The following ANTXR1 variants were observed in gnomAD, a reference collection of about 807,000 sequenced individuals.
ANTXR1 encodes ANTXR cell adhesion molecule 1.
In ANTXR1, 19 loss-of-function variants were observed where a neutral mutation model predicts 78.1. The ratio of observed to expected loss-of-function variants is 0.24; its 90% CI spans 0.17 to 0.36. The LOEUF (loss-of-function observed/expected upper bound fraction) is 0.36. Ranked by LOEUF, ANTXR1 falls within the 10% of genes least tolerant of loss-of-function variation. ANTXR1 has a pLI of 1.00. For missense variants in ANTXR1, 518 were observed against 718.6 expected, an observed-to-expected ratio of 0.72 and a Z score of 3.19; for synonymous variants, 273 against 260.5, an observed-to-expected ratio of 1.05 and a Z score of -0.46.
chr2:69,104,366 A>T (rs1671736906), intron 10 of ANTXR1, among the ~76,000 whole-genome samples: 1 of 152,208 alleles, frequency 6.6e-6, no homozygotes, highest in African/African-American at 2.4e-5. Flanking sequence ...TGTCTTCCTC[A>T]CAAACATCTG....
chr2:69,125,540 G>C (rs925349969), intron 12 of ANTXR1, among the ~76,000 whole-genome samples: 2 of 152,180 alleles, frequency 1.3e-5, no homozygotes, highest in Non-Finnish European at 1.5e-5. Flanking sequence ...TAGTTAGCTT[G>C]TGTCAAGACC....
At chr2:69,187,372 C>A (rs544911308) in intron 16 of ANTXR1, among the ~76,000 whole-genome samples, 2 of 151,586 alleles carry the variant, frequency 1.3e-5, no homozygotes, top group South Asian at 4.2e-4. Context: ...CCATTTCAGA[C>A]AAGTGAAGTC....
chr2:69,221,375 T>C (rs1675315242), intron 17 of ANTXR1, among the ~76,000 whole-genome samples: 1 of 152,214 alleles, frequency 6.6e-6, no homozygotes, highest in African/African-American at 2.4e-5. Flanking sequence ...TTTATTTCTT[T>C]TCAGTTCTCC....
At chr2:69,031,551 G>A (rs1053370953) in intron 1 of ANTXR1, among the ~76,000 whole-genome samples, 7 of 152,152 alleles carry the variant, frequency 4.6e-5, no homozygotes, top group Non-Finnish European at 8.8e-5. Context: ...GGCTCCTAGA[G>A]AGCCAAACAT....
chr2:69,016,739 T>C (rs897522585), intron 1 of ANTXR1, among the ~76,000 whole-genome samples: 1 of 152,252 alleles, frequency 6.6e-6, no homozygotes, highest in African/African-American at 2.4e-5. Context: ...TTTTAAATTT[T>C]GTTTACATGT....
At chr2:69,054,972 G>C (rs1670028109) in intron 3 of ANTXR1, among the ~76,000 whole-genome samples, 1 of 152,134 alleles carries the variant, frequency 6.6e-6, no homozygotes. Context: ...CCATAGGCAA[G>C]TGTCTTGCCT....
At chr2:69,129,976 A>G (rs1040918849) in intron 12 of ANTXR1, among the ~76,000 whole-genome samples, 2 of 152,182 alleles carry the variant, frequency 1.3e-5, no homozygotes, top group African/African-American at 2.4e-5. Context: ...AGGGATGGAT[A>G]TATCTCTGAG....
chr2:69,092,501 T>C (rs1415173414), intron 9 of ANTXR1, among the ~76,000 whole-genome samples: 1 of 152,244 alleles, frequency 6.6e-6, no homozygotes, highest in Non-Finnish European at 1.5e-5. Context: ...ATAAAGTTGT[T>C]AGCAAAATAC....
intron 14 of ANTXR1, among the ~76,000 whole-genome samples, chr2:69,175,338 G>T (rs929208039): frequency 1.3e-5 from 2 of 152,130 alleles, no homozygotes; most frequent in Non-Finnish European, 2.9e-5. Flanking sequence ...AGCTTGGTAT[G>T]GTGACTCACT....
At chr2:69,169,572 T>TTGCC (rs1208634213) in intron 13 of ANTXR1, among the ~76,000 whole-genome samples, 1 of 152,256 alleles carries the variant, frequency 6.6e-6, no homozygotes, top group Non-Finnish European at 1.5e-5. Context: ...TCCCAATTAC[T>TTGCC]TGCCCATCCA....
chr2:69,077,456 G>T lies in ANTXR1; in HGVS notation c.610G>T (p.Gly204Cys). The T allele has an allele frequency of 6.2e-7, 1 of 1,614,118 alleles. No homozygotes were observed. Among genetic ancestry groups the T allele is most frequent in the Non-Finnish European group, 8.5e-7 (1 of 1,180,004 alleles). ...GGATCATGTGTTTCCCGTGAATGAC[G>T]GCTTTCAGGCTCTGCAAGGCATCAT... is the stretch of plus-strand genomic sequence containing the variant. ...SKDHVFPVND[G>C]FQALQGIIHS... Residue 204 changes from glycine (G) to cysteine (C), a missense_variant, in exon 8 of 18, where the codon GGC (glycine) becomes TGC (cysteine). Coordinates refer to ENST00000303714, the MANE Select transcript of ANTXR1 (RefSeq NM_032208.3).
intron 13 of ANTXR1, among the ~76,000 whole-genome samples, chr2:69,153,119 G>A (rs1252089772): frequency 6.6e-6 from 1 of 152,152 alleles, no homozygotes; most frequent in Non-Finnish European, 1.5e-5. Flanking sequence ...ATGTGAAGTG[G>A]CCACTGCTCC....
chr2:69,146,312 C>A, intron 12 of ANTXR1: 2 of 985,430 alleles, frequency 2.0e-6, no homozygotes, highest in Non-Finnish European at 2.4e-6. Flanking sequence ...ACTCCCCCCA[C>A]CACTTGCTGT....
rs1318600482 is a variant in ANTXR1 at position 69,157,090 on chromosome 2, G to A, written c.1047+4826G>A. Reference sequence around the variant, plus strand: ...ATTGCCATTATTTCTCCAATCCTTCGCTTGCAAAACTGAATTTCCCAGCCA... The same window carrying A: ...ATTGCCATTATTTCTCCAATCCTTCACTTGCAAAACTGAATTTCCCAGCCA... On this transcript the variant is annotated intron_variant, in intron 13 of 17. Coordinates refer to ENST00000303714, the MANE Select transcript of ANTXR1 (RefSeq NM_032208.3). Among the ~76,000 whole-genome samples the A allele has an allele frequency of 4.6e-5, 7 of 151,918 alleles. No homozygotes were observed. The South Asian group carries it at 1.0e-3, about 23-fold the overall frequency.
chr2:69,083,419 T>A (rs1670954905), intron 8 of ANTXR1, among the ~76,000 whole-genome samples: 1 of 152,124 alleles, frequency 6.6e-6, no homozygotes, highest in Non-Finnish European at 1.5e-5. Context: ...AAGGCACCCT[T>A]CAGTCTTCCC....
chr2:69,103,104 C>T, intron 10 of ANTXR1, 164 bp downstream of exon 10: 1 of 778,016 alleles, frequency 1.3e-6, no homozygotes, highest in East Asian at 2.7e-5. Flanking sequence ...ACAGTGGTTC[C>T]AGTCAGAAAA....
At chr2:69,122,512 C>T (rs1325810969) in intron 10 of ANTXR1, among the ~76,000 whole-genome samples, 1 of 152,156 alleles carries the variant, frequency 6.6e-6, no homozygotes, top group African/African-American at 2.4e-5. Context: ...CTGCACATAC[C>T]ACAGGAAGCT....
At chr2:69,071,330 T>C (rs1356114017) in intron 4 of ANTXR1, among the ~76,000 whole-genome samples, 1 of 152,240 alleles carries the variant, frequency 6.6e-6, no homozygotes, top group African/African-American at 2.4e-5. Flanking sequence ...AGCCTATTGC[T>C]CCTAGGCTAT....
intron 8 of ANTXR1, among the ~76,000 whole-genome samples, chr2:69,079,009 T>C (rs1670820958): frequency 6.6e-6 from 1 of 152,182 alleles, no homozygotes; most frequent in Non-Finnish European, 1.5e-5. Context: ...ATATCTGACC[T>C]TAAGAATACA....
Sources: allele counts gnomAD v4.1 joint callset (sites outside exome capture counted in the v4.1 genomes callset), GRCh38; gene constraint gnomAD v4.1.1; transcripts MANE v1.5; gene names NCBI Gene and HGNC (gene_info 2026-07-23, HGNC 2026-07-21).